Variants in DIAPH2 observed in about 807,000 individuals in gnomAD.
The protein encoded by DIAPH2 is diaphanous related formin 2.
In DIAPH2, 35 loss-of-function variants were observed where a neutral mutation model predicts 92.7. That is an observed-to-expected ratio of 0.38 (90% CI 0.29 to 0.50). The LOEUF (loss-of-function observed/expected upper bound fraction) is 0.50, where lower values mean the gene tolerates loss of function less well. DIAPH2 is among the 20% of genes least tolerant of loss of function. The pLI is 0.94. For missense variants in DIAPH2, 701 were observed against 819.5 expected (o/e 0.86, Z 1.77); for synonymous variants, 301 against 280.4 (o/e 1.07, Z -0.73).
At chrX:96,995,749 T>C (rs1439392749) in intron 17 of DIAPH2, among the ~76,000 whole-genome samples, 1 of 110,332 alleles carries the variant, frequency 9.1e-6, no homozygotes, top group Non-Finnish European at 1.9e-5. Flanking sequence ...TTTCTTTTTT[T>C]TTTTCTCAGT....
chrX:97,216,462 G>A (rs1296838023), intron 22 of DIAPH2, among the ~76,000 whole-genome samples: 2 of 107,163 alleles, frequency 1.9e-5, no homozygotes, highest in Non-Finnish European at 3.9e-5. Context: ...GCACCACCAT[G>A]CCTGGCTAAT....
At chrX:96,935,346 A>T (rs1461333314) in intron 10 of DIAPH2, among the ~76,000 whole-genome samples, 1 of 111,558 alleles carries the variant, frequency 9.0e-6, no homozygotes, top group African/African-American at 3.2e-5. Flanking sequence ...ATAAACATAT[A>T]TATGTGTATG....
At position 97,128,052 on chromosome X, in the gene DIAPH2, G is replaced by A. The variant is rs564433210; in HGVS notation, c.2589+13087G>A. On this transcript the variant is annotated intron_variant, in intron 21 of 26. Coordinates refer to ENST00000324765, the MANE Select transcript of DIAPH2 (RefSeq NM_006729.5). The stretch of plus-strand genomic sequence containing the variant: ...CCCCAAGAGAGGGTTCTTGGATCTC[G>A]CACAAGAAAGAATTCAGGGTGAGTC... Among the ~76,000 whole-genome samples, 43 of 110,963 alleles carry A rather than the reference G, an allele frequency of 3.9e-4. No individual in the cohort carries two copies. In the South Asian group the frequency reaches 0.01, roughly 26 times the overall value.
At chrX:96,949,167 A>G (rs1333211321) in intron 15 of DIAPH2, 128 bp downstream of exon 15, 9 of 381,346 alleles carry the variant, frequency 2.4e-5, no homozygotes, top group Non-Finnish European at 2.7e-5. Context: ...TTTCATTGAA[A>G]TAACTATACA....
intron 17 of DIAPH2, among the ~76,000 whole-genome samples, chrX:96,982,766 A>T (rs1233684814): frequency 8.9e-6 from 1 of 112,408 alleles, no homozygotes; most frequent in Non-Finnish European, 1.9e-5. Flanking sequence ...GCATTAGCAA[A>T]TATTAATATA....
chrX:97,128,960 G>A lies in DIAPH2; in HGVS notation c.2590-12705G>A, dbSNP rs1228301011. On this transcript the variant is annotated intron_variant, in intron 21 of 26. Coordinates refer to ENST00000324765, the MANE Select transcript of DIAPH2 (RefSeq NM_006729.5). Reference sequence around the variant, plus strand: ...TTCTAAATTTTCTATTATACTTGTTGCTATCATCATTTATGTATAAGACAT... The same window carrying A: ...TTCTAAATTTTCTATTATACTTGTTACTATCATCATTTATGTATAAGACAT... Among the ~76,000 whole-genome samples the A allele has an allele frequency of 7.2e-5, 8 of 110,793 alleles. No homozygotes were observed. In the Admixed American group the frequency reaches 7.7e-4, roughly 11 times the overall value.
chrX:97,090,657 T>C (rs755072115), intron 19 of DIAPH2, among the ~76,000 whole-genome samples: 362 of 111,347 alleles, frequency 3.3e-3, no homozygotes, highest in Non-Finnish European at 5.5e-3. Context: ...AAGAAATCCA[T>C]ATTGAATTGG....
At position 97,105,984 on chromosome X, in the gene DIAPH2, TTTAA is replaced by T. The variant is rs1166700364; in HGVS notation, c.2349+6192_2349+6195del. Among the ~76,000 whole-genome samples the T allele has an allele frequency of 4.5e-5, 5 of 111,479 alleles. 1 individual carries two copies. Among genetic ancestry groups the T allele is most frequent in the Middle Eastern group, 4.7e-3 (1 of 214 alleles). The stretch of plus-strand genomic sequence containing the variant: ...GTACAACTATAAATTTACTGTGCTT[TTTAA>T]TTTTTTTAAAGCCTCATAAGAGCTT... On this transcript the variant is annotated intron_variant, in intron 20 of 26. Coordinates refer to ENST00000324765, the MANE Select transcript of DIAPH2 (RefSeq NM_006729.5).
chrX:96,882,591 T>G (rs2065220884), intron 5 of DIAPH2, among the ~76,000 whole-genome samples: 1 of 110,912 alleles, frequency 9.0e-6, no homozygotes, highest in Non-Finnish European at 1.9e-5. Flanking sequence ...GTGGTTCCTT[T>G]ATTAAGCCTT....
chrX:97,293,415 G>A (rs1002138919), intron 23 of DIAPH2, among the ~76,000 whole-genome samples: 3 of 109,392 alleles, frequency 2.7e-5, no homozygotes, highest in African/African-American at 9.9e-5. Context: ...ACCAGGCCCA[G>A]CTAATTTTTG....
At chrX:97,084,628 C>A (rs2066770812) in intron 19 of DIAPH2, among the ~76,000 whole-genome samples, 1 of 111,235 alleles carries the variant, frequency 9.0e-6, no homozygotes, top group Non-Finnish European at 1.9e-5. Context: ...ACTTTAACCC[C>A]TTTGATCTTT....
At chrX:97,034,912 C>T (rs921848184) in intron 17 of DIAPH2, among the ~76,000 whole-genome samples, 9 of 111,577 alleles carry the variant, frequency 8.1e-5, no homozygotes, top group African/African-American at 2.9e-4. Context: ...AGATACTGGG[C>T]ATATTACCTG....
At chrX:96,855,598 A>G (rs984650357) in intron 4 of DIAPH2, among the ~76,000 whole-genome samples, 1 of 109,218 alleles carries the variant, frequency 9.2e-6, no homozygotes, top group African/African-American at 3.3e-5. Context: ...AGATATAAAT[A>G]TAGATATAAA....
At chrX:96,978,677 A>C (rs895685383) in intron 17 of DIAPH2, among the ~76,000 whole-genome samples, 1 of 110,663 alleles carries the variant, frequency 9.0e-6, no homozygotes, top group Non-Finnish European at 1.9e-5. Context: ...ATTAATATTA[A>C]TTATGGCTGC....
chrX:96,961,171 T>C (rs2065844703), intron 16 of DIAPH2, among the ~76,000 whole-genome samples: 1 of 111,438 alleles, frequency 9.0e-6, no homozygotes, highest in African/African-American at 3.3e-5. Context: ...GTTAGTTCTT[T>C]TTTACAAGTT....
chrX:97,546,155 C>T (rs2071180008), intron 26 of DIAPH2, among the ~76,000 whole-genome samples: 1 of 111,049 alleles, frequency 9.0e-6, no homozygotes, highest in South Asian at 3.9e-4. Context: ...AGCAAGGAAT[C>T]CTGCTCCTCC....
chrX:97,486,608 G>C (rs1455276544), intron 26 of DIAPH2, among the ~76,000 whole-genome samples: 1 of 111,545 alleles, frequency 9.0e-6, no homozygotes, highest in African/African-American at 3.3e-5. Context: ...TTTATTGCTA[G>C]TGATATATTT....
intron 17 of DIAPH2, among the ~76,000 whole-genome samples, chrX:97,059,046 A>C (rs768211444): frequency 5.4e-5 from 6 of 112,103 alleles, no homozygotes; most frequent in Admixed American, 3.8e-4. Context: ...GTTTGACAGC[A>C]AAAATGTGAA....
In DIAPH2 at chrX:97,456,665, G is replaced by A. The variant is rs1002271607; in HGVS notation, c.3241+26920G>A. 2.7e-5 allele frequency among the ~76,000 whole-genome samples: 3 copies of A among 111,161 alleles called. No individual in the cohort carries two copies. The South Asian group carries it at 1.1e-3, about 42-fold the overall frequency. On this transcript the variant is annotated intron_variant, in intron 26 of 26. Coordinates refer to ENST00000324765, the MANE Select transcript of DIAPH2 (RefSeq NM_006729.5). Reference sequence around the variant, plus strand: ...ATCTGATGTGGAACCTCAATAGTCAGTCAATGATTTGTTGTCTCTTTACTT... The same window carrying A: ...ATCTGATGTGGAACCTCAATAGTCAATCAATGATTTGTTGTCTCTTTACTT...
Sources: allele counts gnomAD v4.1 joint callset (sites outside exome capture counted in the v4.1 genomes callset), GRCh38; gene constraint gnomAD v4.1.1; transcripts MANE v1.5; gene names NCBI Gene and HGNC (gene_info 2026-07-23, HGNC 2026-07-21).